SLC9A9: variants seen among roughly 807,000 people sequenced by gnomAD.
The protein encoded by SLC9A9 is sodium/hydrogen exchanger 9.
In SLC9A9, 62 loss-of-function variants were observed where a neutral mutation model predicts 77.8. That is an observed-to-expected ratio of 0.80 (90% CI 0.65 to 0.98). The LOEUF is 0.98. Among genes scored for constraint, SLC9A9 ranks in the 50% least tolerant of loss-of-function variants. The pLI, the probability that SLC9A9 is intolerant of heterozygous loss-of-function variation, is 0.00. For synonymous variants in SLC9A9, 320 were observed against 283.5 expected (o/e 1.13, Z -1.29); for missense variants, 775 against 774.9 (o/e 1.00, Z 0.00).
At chr3:143,479,280 C>T (rs2035533423) in intron 11 of SLC9A9, among the ~76,000 whole-genome samples, 1 of 152,154 alleles carries the variant, frequency 6.6e-6, no homozygotes, top group Admixed American at 6.5e-5. Context: ...GACAGGGTCT[C>T]ACTCTTGCCC....
chr3:143,399,231 G>A (rs1039048657), intron 12 of SLC9A9, among the ~76,000 whole-genome samples: 2 of 152,120 alleles, frequency 1.3e-5, no homozygotes, highest in African/African-American at 4.8e-5. Context: ...AGCTGCTACT[G>A]CATGACACAT....
chr3:143,512,082 T>G (rs115140292), intron 9 of SLC9A9, among the ~76,000 whole-genome samples: 3,087 of 152,316 alleles, frequency 0.02, 98 homozygotes, highest in African/African-American at 0.069. Flanking sequence ...CATATTCGTT[T>G]TGTTTGTCAC....
intron 9 of SLC9A9, among the ~76,000 whole-genome samples, chr3:143,543,760 A>G (rs2036734319): frequency 8.6e-6 from 1 of 116,448 alleles, no homozygotes; most frequent in South Asian, 2.6e-4. Flanking sequence ...TGTGGTGTAT[A>G]TGTACCACAT....
At chr3:143,692,059 G>C (rs777189405) in intron 5 of SLC9A9, among the ~76,000 whole-genome samples, 2 of 152,070 alleles carry the variant, frequency 1.3e-5, no homozygotes, top group Non-Finnish European at 2.9e-5. Flanking sequence ...ACCTGAATCT[G>C]ATTAAACCTC....
intron 12 of SLC9A9, among the ~76,000 whole-genome samples, chr3:143,402,337 G>A (rs997936177): frequency 6.6e-6 from 1 of 152,018 alleles, no homozygotes; most frequent in Non-Finnish European, 1.5e-5. Context: ...CTTATTGCTC[G>A]AGATGTCCAT....
At chr3:143,532,570 C>G (rs1275001002) in intron 9 of SLC9A9, among the ~76,000 whole-genome samples, 1 of 151,930 alleles carries the variant, frequency 6.6e-6, no homozygotes, top group Non-Finnish European at 1.5e-5. Flanking sequence ...GCTTTTGTAC[C>G]ACGAATTTTT....
At chr3:143,296,993 G>A (rs952409602) in intron 14 of SLC9A9, among the ~76,000 whole-genome samples, 1 of 152,068 alleles carries the variant, frequency 6.6e-6, no homozygotes, top group Non-Finnish European at 1.5e-5. Flanking sequence ...CCCTCTGATT[G>A]TTTCCTTTAC....
chr3:143,584,735 C>T (rs2037513712), intron 6 of SLC9A9, among the ~76,000 whole-genome samples: 1 of 152,212 alleles, frequency 6.6e-6, no homozygotes, highest in African/African-American at 2.4e-5. Context: ...CCCCTTTGTG[C>T]TGGGTAAGTA....
chr3:143,753,943 G>A (rs1265602682), intron 4 of SLC9A9, among the ~76,000 whole-genome samples: 1 of 152,156 alleles, frequency 6.6e-6, no homozygotes, highest in Admixed American at 6.5e-5. Context: ...TGCCCACAGG[G>A]GACGGACCAA....
At chr3:143,478,624 C>G (rs1008621636) in intron 11 of SLC9A9, among the ~76,000 whole-genome samples, 1 of 152,192 alleles carries the variant, frequency 6.6e-6, no homozygotes, top group African/African-American at 2.4e-5. Context: ...ATACTTAGCA[C>G]AAGGCATTTT....
At chr3:143,452,578 A>T (rs1723031) in intron 12 of SLC9A9, among the ~76,000 whole-genome samples, 2 of 150,946 alleles carry the variant, frequency 1.3e-5, no homozygotes, top group Non-Finnish European at 3.0e-5. Context: ...ATATCTTATA[A>T]GTTTTTGCAA....
intron 8 of SLC9A9, among the ~76,000 whole-genome samples, chr3:143,564,285 T>C (rs528122843): frequency 6.6e-6 from 1 of 152,282 alleles, no homozygotes; most frequent in South Asian, 2.1e-4. Context: ...GATACAGAAG[T>C]AGAAAATAAG....
intron 5 of SLC9A9, among the ~76,000 whole-genome samples, chr3:143,653,733 T>C (rs1453948283): frequency 6.6e-6 from 1 of 152,126 alleles, no homozygotes; most frequent in African/African-American, 2.4e-5. Flanking sequence ...TTCCCAATAA[T>C]TTCAGGAAGA....
chr3:143,579,875 A>G (rs565052731), intron 6 of SLC9A9, among the ~76,000 whole-genome samples: 107 of 152,214 alleles, frequency 7.0e-4, no homozygotes, highest in Non-Finnish European at 1.4e-3. Flanking sequence ...ACCAACTCCA[A>G]TGCTTCTACA....
intron 9 of SLC9A9, among the ~76,000 whole-genome samples, chr3:143,540,800 T>G (rs2036675960): frequency 6.6e-6 from 1 of 152,210 alleles, no homozygotes; most frequent in Non-Finnish European, 1.5e-5. Flanking sequence ...AGATTTTATG[T>G]GAACATTAAT....
intron 14 of SLC9A9, among the ~76,000 whole-genome samples, chr3:143,361,626 G>A (rs901520475): frequency 2.6e-5 from 4 of 152,166 alleles, no homozygotes; most frequent in African/African-American, 9.7e-5. Context: ...TGTAGTGACG[G>A]CAGCATAGCA....
intron 2 of SLC9A9, among the ~76,000 whole-genome samples, chr3:143,828,111 T>C (rs1427433482): frequency 6.6e-6 from 1 of 152,204 alleles, no homozygotes; most frequent in African/African-American, 2.4e-5. Context: ...ATCTCTTCTC[T>C]AACCAGTAGT....
At chr3:143,308,047 T>C (rs1014049702) in intron 14 of SLC9A9, among the ~76,000 whole-genome samples, 4 of 152,152 alleles carry the variant, frequency 2.6e-5, no homozygotes, top group Non-Finnish European at 5.9e-5. Flanking sequence ...CAAAGGGGTT[T>C]TGAAACCACA....
At chr3:143,380,107 T>C (rs1485907516) in intron 13 of SLC9A9, among the ~76,000 whole-genome samples, 1 of 152,148 alleles carries the variant, frequency 6.6e-6, no homozygotes, top group African/African-American at 2.4e-5. Context: ...CCCAAAGGTG[T>C]AAACACCTTG....
Sources: gnomAD v4.1 joint callset for allele counts (sites outside exome capture counted in the v4.1 genomes callset) on GRCh38, gnomAD v4.1.1 for gene constraint, MANE v1.5 for transcripts, NCBI Gene and HGNC (gene_info 2026-07-23, HGNC 2026-07-21) for gene names.